The following PRRC2B variants were observed in gnomAD, a reference collection of about 807,000 sequenced individuals.
The protein encoded by PRRC2B is protein PRRC2B.
A neutral mutation model predicts 242.3 loss-of-function variants in PRRC2B; 68 were observed. The observed-to-expected ratio is 0.28, with a 90% confidence interval of 0.23 to 0.34. The LOEUF (loss-of-function observed/expected upper bound fraction) is 0.34, where lower values mean the gene tolerates loss of function less well. PRRC2B is among the 10% of genes least tolerant of loss of function. PRRC2B has a pLI of 1.00. For synonymous variants in PRRC2B, 1,228 were observed against 1,173.6 expected (o/e 1.05, Z -0.95); for missense variants, 2,835 against 2,954.8 (o/e 0.96, Z 0.94).
At chr9:131,478,338 G>T (rs138213863) in intron 17 of PRRC2B, 136 bp from the exon 18 acceptor site, 3 of 828,084 alleles carry the variant, frequency 3.6e-6, no homozygotes, top group East Asian at 2.5e-5. Context: ...GATCAGAGGC[G>T]GCCTGAGAAA....
chr9:131,477,392 C>G (rs1943734454), intron 16 of PRRC2B, among the ~76,000 whole-genome samples: 1 of 152,218 alleles, frequency 6.6e-6, no homozygotes, highest in African/African-American at 2.4e-5. Context: ...TTTTCTGCCC[C>G]AAGGGCCCTC....
chr9:131,410,552 C>T (rs188691275), intron 1 of PRRC2B, among the ~76,000 whole-genome samples: 5 of 152,290 alleles, frequency 3.3e-5, no homozygotes, highest in East Asian at 1.9e-4. Flanking sequence ...CACATCACCC[C>T]GGGTTCAGGT....
At chr9:131,493,308 C>T (rs191047786) in intron 30 of PRRC2B, among the ~76,000 whole-genome samples, 89 of 152,310 alleles carry the variant, frequency 5.8e-4, no homozygotes, top group African/African-American at 2.0e-3. Flanking sequence ...TAGTACGTTT[C>T]GTTTTCCTAC....
Position 131,410,705 on chromosome 9 carries a change from T to A in PRRC2B, c.-52+16442T>A, listed in dbSNP as rs546393698. Reference sequence around the variant, plus strand: ...TATTTTGTTTCTTCGTTCAAGGAACTAATTTTATTCATTTTTTCTTTTCTT... The same window carrying A: ...TATTTTGTTTCTTCGTTCAAGGAACAAATTTTATTCATTTTTTCTTTTCTT... On this transcript the variant is annotated intron_variant, in intron 1 of 31. Transcript: ENST00000683519. Among the ~76,000 whole-genome samples the A allele has an allele frequency of 2.2e-3, 336 of 152,352 alleles. 3 individuals are homozygous for A. Among genetic ancestry groups the A allele is most frequent in the African/African-American group, 7.7e-3 (320 of 41,592 alleles).
Position 131,467,628 on chromosome 9 carries a change from C to G in PRRC2B, c.1786C>G (p.Pro596Ala), listed in dbSNP as rs753892092. The G allele has an allele frequency of 2.0e-5, 32 of 1,613,676 alleles. No individual in the cohort carries two copies. Among genetic ancestry groups the G allele is most frequent in the Non-Finnish European group, 2.5e-5 (29 of 1,179,832 alleles). Residue 596 changes from proline (P) to alanine (A), a missense_variant, in exon 13 of 32, where the codon CCA becomes GCA. Physicochemically the swap from Pro to Ala is conservative, Grantham distance 27. This residue lies in a region of PRRC2B where 1,536 missense variants were observed against 1,483.1 expected (regional missense o/e 1.04). Coordinates refer to ENST00000683519, the MANE Select transcript of PRRC2B (RefSeq NM_013318.4). ...TFPEEAPTVS[P>A]AVAQSNSSEE... ...CCCAGAAGAGGCACCCACAGTGTCCCCAGCAGTGGCACAGAGCAACAGCAG... is the reference window on the plus strand; with the variant it reads ...CCCAGAAGAGGCACCCACAGTGTCCGCAGCAGTGGCACAGAGCAACAGCAG...
chr9:131,447,145 C>A lies in PRRC2B; in HGVS notation c.916C>A (p.Pro306Thr). ...GTVERGSFPL[P>T]QLRLEPRVPF... ...AGTGGAACGAGGCTCTTTTCCCCTTCCTCAGCTCCGCCTTGAACCTCGAGT... is the reference window on the plus strand; with the variant it reads ...AGTGGAACGAGGCTCTTTTCCCCTTACTCAGCTCCGCCTTGAACCTCGAGT... The change falls in exon 8 of 32, where the codon CCT becomes ACT. Residue 306 changes from proline to threonine, a missense_variant. Physicochemically the swap from Pro to Thr is conservative, Grantham distance 38 (BLOSUM62 -1). Coordinates refer to ENST00000683519, the MANE Select transcript of PRRC2B (RefSeq NM_013318.4). The A allele has an allele frequency of 6.2e-7, 1 of 1,614,038 alleles. No homozygotes were observed. Among genetic ancestry groups the A allele is most frequent in the Admixed American group, 1.7e-5 (1 of 60,028 alleles).
intron 13 of PRRC2B, 99 bp from the exon 14 acceptor site, chr9:131,470,689 T>C: frequency 2.0e-6 from 2 of 975,692 alleles, no homozygotes; most frequent in Non-Finnish European, 3.1e-6. Context: ...AGGTGGGCTT[T>C]CTGTGCTGCC....
intron 1 of PRRC2B, among the ~76,000 whole-genome samples, chr9:131,405,529 G>A (rs1013651961): frequency 2.0e-5 from 3 of 152,054 alleles, no homozygotes; most frequent in African/African-American, 7.3e-5. Context: ...TCAACCTCTT[G>A]GCGTCACTTG....
At position 131,474,989 on chromosome 9, in the gene PRRC2B, G is replaced by A; in HGVS notation, c.2860G>A (p.Asp954Asn). The change falls in exon 16 of 32, where the codon GAC (aspartate) becomes AAC (asparagine). Residue 954 changes from aspartate (D) to asparagine (N), a missense_variant. Asp to Asn is a conservative substitution (Grantham distance 23). This residue lies in a region of PRRC2B where 1,536 missense variants were observed against 1,483.1 expected (regional missense o/e 1.04). Transcript: ENST00000683519. Reference sequence around the variant, plus strand: ...AGTCCTGAAAGCCCTCAAGGTGGAAGACAAGGAGAAGGAGCTTGAGAAGAT... The same window carrying A: ...AGTCCTGAAAGCCCTCAAGGTGGAAAACAAGGAGAAGGAGCTTGAGAAGAT... ...KPVLKALKVE[D>N]KEKELEKIKQ... The A allele has an allele frequency of 1.9e-6, 3 of 1,600,204 alleles. No homozygotes were observed. The highest frequency in any genetic ancestry group is 2.6e-6 in the Non-Finnish European group (3 of 1,173,518).
In PRRC2B at chr9:131,497,636, G is replaced by A. The variant is rs1184337999; in HGVS notation, c.*1762G>A. Reference sequence around the variant, plus strand: ...ACTGCTCTCACAATTCTAAGGAAGCGGGAGAACGGCCTCCTACCAACAGCG... The same window carrying A: ...ACTGCTCTCACAATTCTAAGGAAGCAGGAGAACGGCCTCCTACCAACAGCG... On this transcript the variant is annotated 3_prime_UTR_variant, in exon 32 of 32. Transcript: ENST00000683519. 1 of 152,234 alleles carries A rather than the reference G, an allele frequency of 6.6e-6. No individual in the cohort carries two copies. The highest frequency in any genetic ancestry group is 2.4e-5 in the African/African-American group (1 of 41,434). 9.4% of individuals were successfully genotyped at this position (152,234 alleles called of 1,614,324 possible).
Position 131,476,525 on chromosome 9 carries a change from A to G in PRRC2B, c.4396A>G (p.Lys1466Glu). 2 of 1,590,166 alleles carry G rather than the reference A, an allele frequency of 1.3e-6. No homozygotes were observed. Among genetic ancestry groups the G allele is most frequent in the East Asian group, 2.2e-5 (1 of 44,604 alleles). ...GAGCCAACAGAATGGGACGCCTTTG[A>G]AAGTGAAAAGGTAAAACCAGACACC... ...YESQQNGTPL[K>E]VKRSPDEALP... Residue 1466 changes from lysine to glutamate, a missense_variant, in exon 16 of 32, where the codon AAA becomes GAA. By Grantham distance (56) the Lys-to-Glu change is moderately conservative (BLOSUM62 1). Coordinates refer to ENST00000683519, the MANE Select transcript of PRRC2B (RefSeq NM_013318.4).
At chr9:131,415,393 G>A (rs888261992) in intron 1 of PRRC2B, among the ~76,000 whole-genome samples, 5 of 151,768 alleles carry the variant, frequency 3.3e-5, no homozygotes, top group Non-Finnish European at 2.9e-5. Context: ...CATTAGAACC[G>A]GAGCTGGGCT....
intron 26 of PRRC2B, chr9:131,486,423 C>G: frequency 5.5e-6 from 5 of 912,392 alleles, no homozygotes; most frequent in Non-Finnish European, 6.5e-6. Context: ...TCTCAAAGTT[C>G]TCCCTCCTGT....
At chr9:131,395,994 G>A (rs981780841) in intron 1 of PRRC2B, among the ~76,000 whole-genome samples, 1 of 152,152 alleles carries the variant, frequency 6.6e-6, no homozygotes, top group African/African-American at 2.4e-5. Context: ...TACTTGTTTG[G>A]GCAAGTGTGT....
chr9:131,395,057 T>C (rs1837008333), intron 1 of PRRC2B, among the ~76,000 whole-genome samples: 1 of 151,638 alleles, frequency 6.6e-6, no homozygotes, highest in Non-Finnish European at 1.5e-5. Context: ...GGATTTGCCT[T>C]AAGAGGTGGA....
chr9:131,475,792 C>T lies in PRRC2B; in HGVS notation c.3663C>T (p.Ser1221=), dbSNP rs765136353. 2 of 1,613,118 alleles carry T rather than the reference C, an allele frequency of 1.2e-6. No individual in the cohort carries two copies. Among genetic ancestry groups the T allele is most frequent in the African/African-American group, 2.7e-5 (2 of 74,920 alleles). The change falls in exon 16 of 32, where the codon TCC becomes TCT. Residue 1221 remains serine, a synonymous_variant. Transcript: ENST00000683519. ...NCGYGRRTFV[S]KESPHWQSKS... ...GGTATGGACGGAGAACCTTCGTCTC[C>T]AAAGAGTCACCCCACTGGCAGAGCA...
At chr9:131,407,971 T>C (rs1408152139) in intron 1 of PRRC2B, among the ~76,000 whole-genome samples, 3 of 152,150 alleles carry the variant, frequency 2.0e-5, no homozygotes, top group Admixed American at 6.5e-5. Context: ...CTCACCGGGG[T>C]AACGGGAGGC....
intron 9 of PRRC2B, among the ~76,000 whole-genome samples, chr9:131,454,675 G>A (rs1008806153): frequency 6.6e-6 from 1 of 150,444 alleles, no homozygotes; most frequent in African/African-American, 2.5e-5. Context: ...TCGCTCTGTC[G>A]CCCAGGCTGG....
At chr9:131,388,903 T>G (rs571571822) in intron 1 of PRRC2B, among the ~76,000 whole-genome samples, 10 of 142,160 alleles carry the variant, frequency 7.0e-5, no homozygotes, top group African/African-American at 2.6e-4. Flanking sequence ...TGCAGTGGCA[T>G]GATCTTGGCT....
Sources: allele counts gnomAD v4.1 joint callset (sites outside exome capture counted in the v4.1 genomes callset), GRCh38; gene constraint gnomAD v4.1.1; regional missense constraint gnomAD v4.1.1; transcripts MANE v1.5; gene names NCBI Gene and HGNC (gene_info 2026-07-23, HGNC 2026-07-21).